The following DAB1 variants were observed in gnomAD, a reference collection of about 807,000 sequenced individuals.
DAB1 encodes the protein disabled homolog 1.
Under a neutral mutation model 64.6 loss-of-function variants are expected in DAB1, and 15 were observed. The ratio of observed to expected loss-of-function variants is 0.23; its 90% CI spans 0.16 to 0.36. The LOEUF is 0.36. DAB1 is among the 10% of genes least tolerant of loss of function. The probability of loss-of-function intolerance (pLI) is 1.00; values close to 1 mark genes in which losing one functional copy is unlikely to be tolerated. For missense variants in DAB1, 596 were observed against 706.7 expected, an observed-to-expected ratio of 0.84 and a Z score of 1.78; for synonymous variants, 235 against 251.9, an observed-to-expected ratio of 0.93 and a Z score of 0.64.
chr1:57,304,281 C>G (rs1031790176), intron 1 of DAB1, among the ~76,000 whole-genome samples: 4 of 152,066 alleles, frequency 2.6e-5, no homozygotes, highest in East Asian at 3.9e-4. Flanking sequence ...AAGACAGCAT[C>G]GAGGGATGGC....
At chr1:57,466,019 C>A (rs1055034430) in intron 7 of DAB1, among the ~76,000 whole-genome samples, 8 of 152,144 alleles carry the variant, frequency 5.3e-5, no homozygotes, top group African/African-American at 1.9e-4. Context: ...CCTAAATGCT[C>A]TCTTTAATAG....
At position 58,151,206 on chromosome 1, in the gene DAB1, C is replaced by T. The variant is rs148043031; in HGVS notation, n.310-618G>A. Among the ~76,000 whole-genome samples, 649 of 152,176 alleles carry T rather than the reference C, an allele frequency of 4.3e-3. 2 individuals are homozygous for T. Among genetic ancestry groups the T allele is most frequent in the Middle Eastern group, 0.014 (4 of 294 alleles). ...GATTTATAATCCTTTGGGTATATGC[C>T]CAGTAATGGGATGGCTGGGTCAAAT... On this transcript the variant is annotated intron_variant and non_coding_transcript_variant, in intron 4 of 20. Transcript: ENST00000485760.
chr1:58,200,414 T>C (rs1657932078), intron 4 of DAB1, among the ~76,000 whole-genome samples: 1 of 152,140 alleles, frequency 6.6e-6, no homozygotes, highest in Admixed American at 6.5e-5. Flanking sequence ...CATTATTGCC[T>C]TTTTTGCTCC....
At chr1:57,959,098 A>G (rs1365857941) in intron 5 of DAB1, among the ~76,000 whole-genome samples, 1 of 152,190 alleles carries the variant, frequency 6.6e-6, no homozygotes, top group Non-Finnish European at 1.5e-5. Context: ...AGTGATCAGC[A>G]CTCAGAATCT....
intron 3 of DAB1, among the ~76,000 whole-genome samples, chr1:58,345,583 G>C (rs1643987354): frequency 6.6e-6 from 1 of 152,098 alleles, no homozygotes; most frequent in Non-Finnish European, 1.5e-5. Context: ...CCTCCTCCTG[G>C]AATCCTGGCA....
chr1:57,854,312 G>T (rs1346732495), intron 1 of DAB1, among the ~76,000 whole-genome samples: 1 of 152,170 alleles, frequency 6.6e-6, no homozygotes, highest in Admixed American at 6.5e-5. Flanking sequence ...ATGAGCATGA[G>T]AAGAGGAATG....
intron 2 of DAB1, among the ~76,000 whole-genome samples, chr1:57,253,560 C>G (rs1311455762): frequency 6.6e-6 from 1 of 152,104 alleles, no homozygotes; most frequent in African/African-American, 2.4e-5. Flanking sequence ...TAGTGATCCC[C>G]AGGATGTAGT....
At position 57,452,250 on chromosome 1, in the gene DAB1, C is replaced by T. The variant is rs74623273; in HGVS notation, n.626-161084G>A. Among the ~76,000 whole-genome samples, 598 of 137,214 alleles carry T rather than the reference C, an allele frequency of 4.4e-3. 2 individuals carry two copies. Among genetic ancestry groups the T allele is most frequent in the African/African-American group, 0.016 (571 of 36,762 alleles). 90.0% of individuals were successfully genotyped at this position (137,214 alleles called of 152,430 possible). The stretch of plus-strand genomic sequence containing the variant: ...TGGTGTGATAATATCTGACCTGAGA[C>T]TTAAAGTCATAAAATTAATCTTCTC... On this transcript the variant is annotated intron_variant and non_coding_transcript_variant, in intron 7 of 20. Coordinates refer to the DAB1 transcript ENST00000485760.
intron 1 of DAB1, among the ~76,000 whole-genome samples, chr1:57,836,680 T>C (rs1317869767): frequency 6.6e-6 from 1 of 152,232 alleles, no homozygotes; most frequent in Admixed American, 6.5e-5. Flanking sequence ...GGTTGTAATG[T>C]ACACTCTATT....
chr1:57,019,326 G>A (rs1192436470), intron 11 of DAB1, among the ~76,000 whole-genome samples: 1 of 152,120 alleles, frequency 6.6e-6, no homozygotes, highest in Admixed American at 6.5e-5. Context: ...TTCTACTGTT[G>A]GTGGCAGGTT....
chr1:57,889,363 G>A (rs1014491590), intron 5 of DAB1, among the ~76,000 whole-genome samples: 3 of 152,208 alleles, frequency 2.0e-5, no homozygotes, highest in African/African-American at 7.2e-5. Context: ...CATATTTTCT[G>A]TTATGTATGT....
In DAB1 at chr1:57,634,348, C is replaced by T. The variant is rs559186945; in HGVS notation, n.625+15244G>A. On this transcript the variant is annotated intron_variant and non_coding_transcript_variant, in intron 7 of 20. Coordinates refer to the DAB1 transcript ENST00000485760. ...GATCTGGGCTGTCACTTAATAGTGG[C>T]TCCCTTGGGCAAGTTATTGAACCTT... Among the ~76,000 whole-genome samples, 3 of 152,304 alleles carry T rather than the reference C, an allele frequency of 2.0e-5. No individual in the cohort carries two copies. In the South Asian group the frequency reaches 6.2e-4, roughly 32 times the overall value.
chr1:57,071,599 T>C lies in DAB1; in HGVS notation c.481A>G (p.Ile161Val), dbSNP rs1381993823. ...ILDLRDLFQL[I>V]YELKQREELE... The stretch of plus-strand genomic sequence containing the variant: ...TCTTCTCTTTGCTTCAATTCATAAA[T>C]GAGTTGAAAGAGATCTCTCAAGTCC... Residue 161 changes from isoleucine (I) to valine (V), a missense_variant, in exon 6 of 15, where the codon ATT becomes GTT. Ile to Val is a conservative substitution (Grantham distance 29). Around this residue, in one of 3 missense-constraint regions of DAB1, gnomAD observed 176 missense variants for 266.7 expected, o/e 0.66. Coordinates refer to ENST00000371236, the MANE Select transcript of DAB1 (RefSeq NM_001365792.1). The C allele has an allele frequency of 1.9e-6, 3 of 1,613,802 alleles. No individual in the cohort carries two copies. In the East Asian group the frequency reaches 6.7e-5, roughly 36 times the overall value.
chr1:57,707,745 C>T (rs1007436147), intron 6 of DAB1, among the ~76,000 whole-genome samples: 1 of 152,126 alleles, frequency 6.6e-6, no homozygotes, highest in African/African-American at 2.4e-5. Context: ...TTGTACTCAT[C>T]CTTCTTAAGA....
At chr1:57,824,454 G>C (rs1028309813), downstream of DAB1, among the ~76,000 whole-genome samples, 1 of 151,762 alleles carries the variant, frequency 6.6e-6, no homozygotes, top group Non-Finnish European at 1.5e-5. Context: ...AGAGAAATAG[G>C]GTTACCTATT....
At chr1:57,522,992 C>T (rs1644547526) in intron 7 of DAB1, among the ~76,000 whole-genome samples, 2 of 152,292 alleles carry the variant, frequency 1.3e-5, no homozygotes, top group South Asian at 2.1e-4. Flanking sequence ...CTAAAGGCTG[C>T]ACTGTCAGAT....
intron 5 of DAB1, among the ~76,000 whole-genome samples, chr1:58,120,223 C>T (rs1652656857): frequency 6.6e-6 from 1 of 152,126 alleles, no homozygotes; most frequent in East Asian, 1.9e-4. Flanking sequence ...AAGTAATATC[C>T]CTTCAAAAGG....
chr1:57,924,411 C>T (rs1644850115), intron 5 of DAB1, among the ~76,000 whole-genome samples: 1 of 152,056 alleles, frequency 6.6e-6, no homozygotes, highest in Non-Finnish European at 1.5e-5. Context: ...GAAGGTGAAC[C>T]CCTGAATCTC....
chr1:58,281,931 A>G (rs1661572616), intron 4 of DAB1, among the ~76,000 whole-genome samples: 1 of 152,092 alleles, frequency 6.6e-6, no homozygotes, highest in South Asian at 2.1e-4. Context: ...TACCACCGCC[A>G]TCATCACCAC....
Sources: gnomAD v4.1 joint callset for allele counts (sites outside exome capture counted in the v4.1 genomes callset) on GRCh38, gnomAD v4.1.1 for gene constraint, gnomAD v4.1.1 regional missense constraint, MANE v1.5 for transcripts, NCBI Gene and HGNC (gene_info 2026-07-23, HGNC 2026-07-21) for gene names.